Variants in EYA4 observed in about 807,000 individuals in gnomAD.
EYA4 encodes protein phosphatase EYA4.
EYA4 carries 31 observed loss-of-function variants against 87.9 expected under a neutral mutation model. That is an observed-to-expected ratio of 0.35 (90% CI 0.27 to 0.48). EYA4 has a LOEUF of 0.48. Among genes scored for constraint, EYA4 ranks in the 20% least tolerant of loss-of-function variants. EYA4 has a pLI of 0.99. For missense variants in EYA4, 678 were observed against 761.4 expected, an observed-to-expected ratio of 0.89 and a Z score of 1.29; for synonymous variants, 263 against 270.6, an observed-to-expected ratio of 0.97 and a Z score of 0.28.
chr6:133,344,286 AT>A (rs1166597338), intron 2 of EYA4, among the ~76,000 whole-genome samples: 1 of 152,222 alleles, frequency 6.6e-6, no homozygotes, highest in African/African-American at 2.4e-5. Flanking sequence ...GGTGAACTAG[AT>A]GTAGGACCCT....
intron 10 of EYA4, among the ~76,000 whole-genome samples, chr6:133,466,547 AAC>A (rs1315900149): frequency 6.6e-6 from 1 of 152,134 alleles, no homozygotes; most frequent in African/African-American, 2.4e-5. Context: ...TAAACCAGTA[AAC>A]ACACAAATAA....
chr6:133,353,491 A>G (rs1432640228), intron 2 of EYA4, among the ~76,000 whole-genome samples: 2 of 152,154 alleles, frequency 1.3e-5, no homozygotes, highest in Non-Finnish European at 2.9e-5. Flanking sequence ...AAACACACAT[A>G]AAAAGTAACT....
At chr6:133,382,329 G>A in intron 2 of EYA4, 63 bp from the exon 3 acceptor site, 12 of 1,151,830 alleles carry the variant, frequency 1.0e-5, no homozygotes, top group Non-Finnish European at 1.6e-5. Flanking sequence ...CTTTAATAGT[G>A]TGTGAACCTG....
intron 2 of EYA4, among the ~76,000 whole-genome samples, chr6:133,328,639 A>G (rs1781685782): frequency 6.6e-6 from 1 of 152,194 alleles, no homozygotes; most frequent in African/African-American, 2.4e-5. Context: ...ACTGGCAAAT[A>G]TATTTAAATG....
chr6:133,285,151 C>G (rs891213145), intron 2 of EYA4, among the ~76,000 whole-genome samples: 4 of 150,556 alleles, frequency 2.7e-5, no homozygotes, highest in African/African-American at 9.7e-5. Context: ...CACCCGCCAC[C>G]ACGCCCGGCT....
rs1039666561 is a variant in EYA4, at chr6:133,305,758, C to A, written c.33+30945C>A. Among the ~76,000 whole-genome samples, 62 of 152,120 alleles carry A rather than the reference C, an allele frequency of 4.1e-4. 1 individual carries two copies. Among genetic ancestry groups the A allele is most frequent in the Admixed American group, 3.9e-3 (59 of 15,254 alleles). ...AAGATCTATGCTACATGTGGTACCA[C>A]TGGGGAAGTTGAAGGTATTCAGGAC... On this transcript the variant is annotated intron_variant, in intron 2 of 19. Transcript: ENST00000355286.
intron 13 of EYA4, among the ~76,000 whole-genome samples, chr6:133,503,728 A>T (rs1055539646): frequency 2.6e-5 from 4 of 152,156 alleles, no homozygotes; most frequent in Non-Finnish European, 5.9e-5. Context: ...AAAGACAGAG[A>T]CTAATTATAG....
intron 2 of EYA4, among the ~76,000 whole-genome samples, chr6:133,299,840 G>A (rs1487970357): frequency 1.3e-5 from 2 of 151,342 alleles, no homozygotes; most frequent in African/African-American, 4.8e-5. Context: ...TGATGATCAT[G>A]TTAAGATGAA....
chr6:133,477,048 A>C (rs527521220), intron 11 of EYA4, among the ~76,000 whole-genome samples: 1 of 152,122 alleles, frequency 6.6e-6, no homozygotes, highest in African/African-American at 2.4e-5. Context: ...CCTTCCTGCC[A>C]CCTTGTGAAG....
At chr6:133,460,507 G>C (rs1465732814) in intron 6 of EYA4, among the ~76,000 whole-genome samples, 1 of 152,066 alleles carries the variant, frequency 6.6e-6, no homozygotes, top group African/African-American at 2.4e-5. Flanking sequence ...AAATGTAATT[G>C]CTACTGCATT....
chr6:133,429,554 A>T (rs1790993465), intron 3 of EYA4, among the ~76,000 whole-genome samples: 1 of 152,146 alleles, frequency 6.6e-6, no homozygotes, highest in Non-Finnish European at 1.5e-5. Context: ...AGTTATGAGG[A>T]ATTGAGTCTA....
At position 133,446,686 on chromosome 6, in the gene EYA4, C is replaced by T; in HGVS notation, c.140C>T (p.Thr47Ile). The T allele has an allele frequency of 6.2e-7, 1 of 1,613,760 alleles. No homozygotes were observed. The highest frequency in any genetic ancestry group is 8.5e-7 in the Non-Finnish European group (1 of 1,179,694). Residue 47 changes from threonine (T) to isoleucine (I), a missense_variant, in exon 4 of 20, where the codon ACT becomes ATT. Coordinates refer to ENST00000355286, the MANE Select transcript of EYA4 (RefSeq NM_004100.5). ...CATACTCTTGTTGGAGGTGGTGATA[C>T]TCCAGGTAGCTCCAAACTGGAAAAA... is the stretch of plus-strand genomic sequence containing the variant. ...SPHTLVGGGDTPGSSKLEKSN... is the reference protein window; with the variant it reads ...SPHTLVGGGDIPGSSKLEKSN...
intron 13 of EYA4, among the ~76,000 whole-genome samples, chr6:133,494,773 G>A (rs1186779027): frequency 6.6e-6 from 1 of 151,492 alleles, no homozygotes; most frequent in Admixed American, 6.6e-5. Flanking sequence ...GATCATTTGA[G>A]CTCAGAGATT....
At chr6:133,353,623 T>C (rs962656583) in intron 2 of EYA4, among the ~76,000 whole-genome samples, 1 of 152,164 alleles carries the variant, frequency 6.6e-6, no homozygotes, top group Non-Finnish European at 1.5e-5. Flanking sequence ...CCGGATTCTC[T>C]CACCTTATGT....
intron 2 of EYA4, among the ~76,000 whole-genome samples, chr6:133,359,286 T>C (rs1784294042): frequency 6.6e-6 from 1 of 152,214 alleles, no homozygotes; most frequent in Admixed American, 6.5e-5. Flanking sequence ...TGACCCCTAG[T>C]CCTAGGCTCT....
Position 133,375,350 on chromosome 6 carries a change from T to G in EYA4, c.34-7042T>G, listed in dbSNP as rs546672773. On this transcript the variant is annotated intron_variant, in intron 2 of 19. Transcript: ENST00000355286. ...TTAGGATATGAGTATATATTTTCTT[T>G]CACACCTGTACGTAAGTAAACTTTG... Among the ~76,000 whole-genome samples the G allele has an allele frequency of 7.9e-5, 12 of 152,166 alleles. No homozygotes were observed. The South Asian group carries it at 2.5e-3, about 32-fold the overall frequency.
At chr6:133,459,790 C>T (rs577274432) in intron 6 of EYA4, among the ~76,000 whole-genome samples, 18 of 152,096 alleles carry the variant, frequency 1.2e-4, no homozygotes, top group East Asian at 5.8e-4. Context: ...TTATTTTCAA[C>T]GATACGTATC....
At chr6:133,518,402 T>C (rs1799791428) in intron 17 of EYA4, among the ~76,000 whole-genome samples, 1 of 152,126 alleles carries the variant, frequency 6.6e-6, no homozygotes, top group Non-Finnish European at 1.5e-5. Flanking sequence ...TATCCACATA[T>C]ATTACCATAT....
At chr6:133,432,367 T>C (rs1791259388) in intron 3 of EYA4, among the ~76,000 whole-genome samples, 1 of 152,216 alleles carries the variant, frequency 6.6e-6, no homozygotes, top group Non-Finnish European at 1.5e-5. Flanking sequence ...TCTTTGGCAC[T>C]GAACACAGGG....
Sources: gnomAD v4.1 joint callset for allele counts (sites outside exome capture counted in the v4.1 genomes callset) on GRCh38, gnomAD v4.1.1 for gene constraint, MANE v1.5 for transcripts, NCBI Gene and HGNC (gene_info 2026-07-23, HGNC 2026-07-21) for gene names.